The following MKLN1 variants were observed in gnomAD, a reference collection of about 807,000 sequenced individuals.
MKLN1 encodes the protein muskelin 1, also known as muskelin.
A neutral mutation model predicts 99.0 loss-of-function variants in MKLN1; 18 were observed. The observed-to-expected ratio is 0.18, with a 90% CI of 0.13 to 0.27. The LOEUF is 0.27. MKLN1 is among the 10% of genes least tolerant of loss of function. MKLN1 has a pLI of 1.00. For synonymous variants in MKLN1, 288 were observed against 293.2 expected, an observed-to-expected ratio of 0.98 and a Z score of 0.18; for missense variants, 621 against 875.9, an observed-to-expected ratio of 0.71 and a Z score of 3.67.
intron 12 of MKLN1, among the ~76,000 whole-genome samples, chr7:131,450,462 C>CT (rs1796145666): frequency 6.6e-6 from 1 of 152,104 alleles, no homozygotes; most frequent in Non-Finnish European, 1.5e-5. Context: ...TTCTTCCTCA[C>CT]TTTAAATCTT....
At chr7:131,426,867 G>T (rs1250085522) in intron 8 of MKLN1, among the ~76,000 whole-genome samples, 2 of 151,926 alleles carry the variant, frequency 1.3e-5, no homozygotes, top group African/African-American at 2.4e-5. Flanking sequence ...TGATTCTCCT[G>T]CCTCAGCCTC....
At chr7:131,256,749 TG>T (rs1431601015) in intron 3 of MKLN1, among the ~76,000 whole-genome samples, 2 of 152,062 alleles carry the variant, frequency 1.3e-5, no homozygotes, top group Non-Finnish European at 2.9e-5. Context: ...AGCTAAACAC[TG>T]GGTACACATA....
chr7:131,348,985 A>C (rs1799639471), intron 1 of MKLN1, among the ~76,000 whole-genome samples: 2 of 152,114 alleles, frequency 1.3e-5, no homozygotes, highest in African/African-American at 4.8e-5. Context: ...TTTGATGCAA[A>C]ATAGCAAACA....
chr7:131,199,719 A>T (rs980057563), intron 2 of MKLN1, among the ~76,000 whole-genome samples: 1 of 152,170 alleles, frequency 6.6e-6, no homozygotes, highest in African/African-American at 2.4e-5. Flanking sequence ...ATTGAGACGG[A>T]GTCTCACTCT....
chr7:131,153,709 C>G (rs1795924822), intron 2 of MKLN1, among the ~76,000 whole-genome samples: 1 of 133,316 alleles, frequency 7.5e-6, no homozygotes, highest in African/African-American at 2.8e-5. Context: ...GTTGCTGAGG[C>G]TAGAGTGCAG....
intron 1 of MKLN1, among the ~76,000 whole-genome samples, chr7:131,130,816 CTGAGGCAAGTGGATTGCT>C (rs1406209905): frequency 6.6e-6 from 1 of 152,038 alleles, no homozygotes; most frequent in African/African-American, 2.4e-5. Context: ...TTGAGATAGA[CTGAGGCAAGTGGATTGCT>C]TGAGTCCAGG....
At chr7:131,182,427 G>A (rs1451940471) in intron 2 of MKLN1, among the ~76,000 whole-genome samples, 1 of 152,182 alleles carries the variant, frequency 6.6e-6, no homozygotes, top group Non-Finnish European at 1.5e-5. Flanking sequence ...TGAGGAATCA[G>A]GAGTTTACAT....
chr7:131,204,249 T>C (rs1796772306), intron 3 of MKLN1, among the ~76,000 whole-genome samples: 2 of 152,228 alleles, frequency 1.3e-5, no homozygotes, highest in Non-Finnish European at 2.9e-5. Flanking sequence ...ACTTGGGGAA[T>C]GAATATGTAG....
intron 16 of MKLN1, among the ~76,000 whole-genome samples, chr7:131,473,939 A>G (rs1008442901): frequency 6.6e-6 from 1 of 152,050 alleles, no homozygotes; most frequent in Non-Finnish European, 1.5e-5. Flanking sequence ...ACCTGAGGTC[A>G]GGAGTTCAAG....
In MKLN1 at chr7:131,387,001, A is replaced by C. The variant is rs754343909; in HGVS notation, c.169-119A>C. 88 of 866,930 alleles carry C rather than the reference A, an allele frequency of 1.0e-4. No homozygotes were observed. In the Middle Eastern group the frequency reaches 4.2e-3, roughly 42 times the overall value. 53.7% of individuals were successfully genotyped at this position (866,930 alleles called of 1,614,324 possible). A position where few individuals can be genotyped will look rare whatever the true frequency, so the allele number is the denominator to read the frequency against. On this transcript the variant is annotated intron_variant, in intron 2 of 17. Transcript: ENST00000352689. ...TTCTATAGCTTTAAAAAAATCTGCTAGTACAGGATGGACAAGGATGGACCT... is the reference window on the plus strand; with the variant it reads ...TTCTATAGCTTTAAAAAAATCTGCTCGTACAGGATGGACAAGGATGGACCT...
intron 1 of MKLN1, among the ~76,000 whole-genome samples, chr7:131,348,255 T>C (rs1799620213): frequency 6.6e-6 from 1 of 152,232 alleles, no homozygotes; most frequent in Non-Finnish European, 1.5e-5. Context: ...ATCAGATATG[T>C]TCTAGGTGTT....
In MKLN1 at chr7:131,496,033, A is replaced by G. The variant is rs1797549319; in HGVS notation, c.*8305A>G. On this transcript the variant is annotated 3_prime_UTR_variant, in exon 18 of 18. Coordinates refer to ENST00000352689, the MANE Select transcript of MKLN1 (RefSeq NM_013255.5). ...CATGAAGCAAGGAGTCCATAAAACAAGAGTTCTTTACCACGTTTAAGCAAA... is the reference window on the plus strand; with the variant it reads ...CATGAAGCAAGGAGTCCATAAAACAGGAGTTCTTTACCACGTTTAAGCAAA... The G allele has an allele frequency of 1.3e-5, 2 of 152,214 alleles. No individual in the cohort carries two copies. Among genetic ancestry groups the G allele is most frequent in the Admixed American group, 6.5e-5 (1 of 15,288 alleles). 9.4% of individuals were successfully genotyped at this position (152,214 alleles called of 1,614,324 possible). A position where few individuals can be genotyped will look rare whatever the true frequency, so the allele number is the denominator to read the frequency against.
chr7:131,218,205 G>A (rs1171011621), intron 3 of MKLN1, among the ~76,000 whole-genome samples: 1 of 152,112 alleles, frequency 6.6e-6, no homozygotes, highest in East Asian at 1.9e-4. Flanking sequence ...CCATTCTTAG[G>A]TTTTACAATA....
intron 3 of MKLN1, among the ~76,000 whole-genome samples, chr7:131,238,703 G>C: frequency 6.6e-6 from 1 of 152,212 alleles, no homozygotes; most frequent in East Asian, 1.9e-4. Context: ...ATTCACCATG[G>C]GTGTGGTAAT....
chr7:131,478,336 G>A (rs1256569183), intron 16 of MKLN1: 3 of 306,706 alleles, frequency 9.8e-6, no homozygotes, highest in Non-Finnish European at 5.9e-6. Flanking sequence ...ATTTTGTTGT[G>A]CTGTTGTTCC....
rs557172913 is a variant in MKLN1, at chr7:131,360,109, A to G, written c.99-15315A>G. On this transcript the variant is annotated intron_variant, in intron 1 of 17. Transcript: ENST00000352689. ...CTTATGTTTGCTTTGTCTGATATTA[A>G]TTAATATAGCTATTCCAGTTTTCTA... Among the ~76,000 whole-genome samples the G allele has an allele frequency of 2.6e-5, 4 of 152,176 alleles. No individual in the cohort carries two copies. In the East Asian group the frequency reaches 7.7e-4, roughly 29 times the overall value.
Position 131,327,972 on chromosome 7 carries a change from T to A in MKLN1, c.73T>A (p.Ser25Thr), listed in dbSNP as rs1165555784. 6.2e-7 allele frequency: 1 copy of A among 1,613,824 alleles called. No homozygotes were observed. The highest frequency in any genetic ancestry group is 1.7e-4 in the Middle Eastern group (1 of 6,060). Residue 25 changes from serine (S) to threonine (T), a missense_variant, in exon 1 of 18, where the codon TCC becomes ACC. Around this residue, in one of 8 missense-constraint regions of MKLN1, gnomAD observed 58 missense variants for 40.0 expected, o/e 1.45. Transcript: ENST00000352689. ...LLPYALHKWSSFSSTYLPENI... is the reference protein window; with the variant it reads ...LLPYALHKWSTFSSTYLPENI... ...CCCCTACGCGCTACACAAGTGGAGC[T>A]CCTTTTCCTCCACCTACCTTCCCGA... is the stretch of plus-strand genomic sequence containing the variant.
intron 1 of MKLN1, among the ~76,000 whole-genome samples, chr7:131,130,815 A>C (rs1795538343): frequency 6.6e-6 from 1 of 152,116 alleles, no homozygotes; most frequent in African/African-American, 2.4e-5. Flanking sequence ...TTTGAGATAG[A>C]CTGAGGCAAG....
chr7:131,241,705 C>T (rs1369269787), intron 3 of MKLN1, among the ~76,000 whole-genome samples: 1 of 152,220 alleles, frequency 6.6e-6, no homozygotes, highest in Non-Finnish European at 1.5e-5. Context: ...CAACACCTAG[C>T]TTTTAAGTAC....
Sources: allele counts gnomAD v4.1 joint callset (sites outside exome capture counted in the v4.1 genomes callset), GRCh38; gene constraint gnomAD v4.1.1; regional missense constraint gnomAD v4.1.1; transcripts MANE v1.5; gene names NCBI Gene and HGNC (gene_info 2026-07-23, HGNC 2026-07-21).